Variants in FOXN3 observed in about 807,000 individuals in gnomAD.
The protein encoded by FOXN3 is forkhead box N3.
Under a neutral mutation model 38.4 loss-of-function variants are expected in FOXN3, and 7 were observed. That is an observed-to-expected ratio of 0.18 (90% confidence interval 0.10 to 0.34). The LOEUF is 0.34. Ranked by LOEUF, FOXN3 falls within the 10% of genes least tolerant of loss-of-function variation. FOXN3 has a pLI of 1.00. For synonymous variants in FOXN3, 230 were observed against 242.2 expected (o/e 0.95, Z 0.47); for missense variants, 456 against 613.4 (o/e 0.74, Z 2.71).
chr14:89,607,558 T>TAA (rs754121458), intron 1 of FOXN3, among the ~76,000 whole-genome samples: 9 of 122,068 alleles, frequency 7.4e-5, no homozygotes, highest in African/African-American at 9.1e-5. Flanking sequence ...GACCGTGTCT[T>TAA]AAAAAAAAAA....
intron 2 of FOXN3, among the ~76,000 whole-genome samples, chr14:89,371,175 C>T (rs965143793): frequency 2.0e-5 from 3 of 152,072 alleles, no homozygotes; most frequent in Non-Finnish European, 4.4e-5. Context: ...AGAGAGGCTG[C>T]GAAGAGGCTC....
At chr14:89,389,275 A>G (rs927437367) in intron 2 of FOXN3, among the ~76,000 whole-genome samples, 3 of 152,064 alleles carry the variant, frequency 2.0e-5, no homozygotes, top group African/African-American at 7.3e-5. Context: ...TTAGGTATAA[A>G]GAACTATTCC....
rs139682179 is a variant in FOXN3 at position 89,334,476 on chromosome 14, G to A, written c.680+16196C>T. On this transcript the variant is annotated intron_variant, in intron 3 of 5. Coordinates refer to ENST00000557258, the MANE Select transcript of FOXN3 (RefSeq NM_005197.4). ...AATACAAAAATTAGCCAAGTGTGGT[G>A]GTGCACACCTGTAGTCTCAGCTATT... Among the ~76,000 whole-genome samples, 143 of 152,176 alleles carry A rather than the reference G, an allele frequency of 9.4e-4. 3 individuals are homozygous for A. The East Asian group carries it at 0.017, about 18-fold the overall frequency.
chr14:89,554,782 C>CTTTTTTTTTTTTT (rs34530866), intron 1 of FOXN3, among the ~76,000 whole-genome samples: 5 of 68,590 alleles, frequency 7.3e-5, no homozygotes, highest in African/African-American at 2.5e-4. Context: ...ACTAGCATTT[C>CTTTTTTTTTTTTT]TTTTTTTTTT....
chr14:89,507,019 A>C (rs946035404), intron 1 of FOXN3, among the ~76,000 whole-genome samples: 7 of 151,564 alleles, frequency 4.6e-5, no homozygotes, highest in Non-Finnish European at 1.0e-4. Context: ...GCCTAGGAAA[A>C]CCAGAGACCT....
chr14:89,259,273 T>A (rs1374214674), intron 4 of FOXN3, among the ~76,000 whole-genome samples: 1 of 152,228 alleles, frequency 6.6e-6, no homozygotes, highest in Admixed American at 6.5e-5. Flanking sequence ...TCTATGAGAA[T>A]CTAAAGGACA....
rs763454392 is a variant in FOXN3 at position 89,435,373 on chromosome 14, T to TAA, written c.-14-22885_-14-22884dup. Among the ~76,000 whole-genome samples the TAA allele has an allele frequency of 7.3e-3, 964 of 131,296 alleles. 11 individuals carry two copies. Among genetic ancestry groups the TAA allele is most frequent in the African/African-American group, 0.023 (815 of 35,654 alleles). 86.1% of individuals were successfully genotyped at this position (131,296 alleles called of 152,430 possible). A position where few individuals can be genotyped will look rare whatever the true frequency, so the allele number is the denominator to read the frequency against. ...GGTGACACAGCAAGACCCTGTCTCT[T>TAA]AAAAAAAAAAAAAAAAAATGGCAGC... On this transcript the variant is annotated intron_variant, in intron 1 of 6. Transcript: ENST00000345097.
intron 1 of FOXN3, among the ~76,000 whole-genome samples, chr14:89,552,029 G>C (rs151247336): frequency 6.6e-6 from 1 of 152,222 alleles, no homozygotes; most frequent in African/African-American, 2.4e-5. Context: ...ATGGTCTGAT[G>C]ATCTCCGGAA....
At position 89,534,069 on chromosome 14, in the gene FOXN3, A is replaced by G. The variant is rs1357204179; in HGVS notation, c.-15+84959T>C. On this transcript the variant is annotated intron_variant, in intron 1 of 6. Coordinates refer to the FOXN3 transcript ENST00000345097. ...ATGTGCTTCCCCCCCGCCACCCACT[A>G]TGGAATTCAGATAGAATATAATTAT... Among the ~76,000 whole-genome samples the G allele has an allele frequency of 2.8e-5, 4 of 140,448 alleles. No individual in the cohort carries two copies. The South Asian group carries it at 7.0e-4, about 25-fold the overall frequency. 92.1% of individuals were successfully genotyped at this position (140,448 alleles called of 152,430 possible). A position where few individuals can be genotyped will look rare whatever the true frequency, so the allele number is the denominator to read the frequency against.
chr14:89,451,934 C>A (rs1436539658), intron 1 of FOXN3, among the ~76,000 whole-genome samples: 2 of 152,150 alleles, frequency 1.3e-5, no homozygotes, highest in Non-Finnish European at 2.9e-5. Context: ...CCTGTCTCAA[C>A]ATCTCAGCCG....
chr14:89,351,798 T>C (rs1888983622), intron 2 of FOXN3, among the ~76,000 whole-genome samples: 1 of 152,220 alleles, frequency 6.6e-6, no homozygotes, highest in Admixed American at 6.5e-5. Context: ...AGATTGATGT[T>C]GTCCTCCAAC....
chr14:89,209,357 T>C (rs1035034153), intron 4 of FOXN3, among the ~76,000 whole-genome samples: 14 of 152,350 alleles, frequency 9.2e-5, no homozygotes, highest in African/African-American at 3.4e-4. Flanking sequence ...ATTTTTCCAA[T>C]GATATTTCAA....
At chr14:89,387,325 C>A (rs981378766) in intron 2 of FOXN3, among the ~76,000 whole-genome samples, 2 of 152,072 alleles carry the variant, frequency 1.3e-5, no homozygotes, top group Non-Finnish European at 2.9e-5. Context: ...ATCTATAGCA[C>A]CAACATGAAG....
intron 4 of FOXN3, among the ~76,000 whole-genome samples, chr14:89,211,835 T>A (rs1884100967): frequency 6.6e-6 from 1 of 152,200 alleles, no homozygotes; most frequent in Non-Finnish European, 1.5e-5. Flanking sequence ...GGAAGATGTG[T>A]TCTGCTAGGG....
intron 2 of FOXN3, among the ~76,000 whole-genome samples, chr14:89,411,017 G>A (rs995336643): frequency 6.6e-6 from 1 of 152,244 alleles, no homozygotes; most frequent in Admixed American, 6.5e-5. Flanking sequence ...GTACCAATCA[G>A]TGGTCTGTTA....
At chr14:89,401,593 T>C (rs1891246937) in intron 2 of FOXN3, 1 of 455,926 alleles carries the variant, frequency 2.2e-6, no homozygotes, top group African/African-American at 2.0e-5. Flanking sequence ...TCCCTGTACC[T>C]TGATTCTTGG....
At chr14:89,431,412 T>C (rs1364559126) in intron 1 of FOXN3, among the ~76,000 whole-genome samples, 2 of 152,062 alleles carry the variant, frequency 1.3e-5, no homozygotes, top group Non-Finnish European at 1.5e-5. Flanking sequence ...GGTTTCACCA[T>C]GTTGGCCAGG....
chr14:89,301,578 GC>G (rs1887218797), intron 3 of FOXN3, among the ~76,000 whole-genome samples: 2 of 152,080 alleles, frequency 1.3e-5, no homozygotes, highest in African/African-American at 4.8e-5. Context: ...GACCAGACTG[GC>G]CATCATGGTG....
intron 1 of FOXN3, among the ~76,000 whole-genome samples, chr14:89,434,114 G>A (rs539280724): frequency 5.1e-4 from 76 of 148,396 alleles, no homozygotes; most frequent in Admixed American, 5.0e-3. Flanking sequence ...TAGTAGAGAC[G>A]AGGTTTCACC....
Sources: allele counts gnomAD v4.1 joint callset (sites outside exome capture counted in the v4.1 genomes callset), GRCh38; gene constraint gnomAD v4.1.1; transcripts MANE v1.5; gene names NCBI Gene and HGNC (gene_info 2026-07-23, HGNC 2026-07-21).